The following MAN1C1 variants were observed in gnomAD, a reference collection of about 807,000 sequenced individuals.
MAN1C1 encodes the protein mannosyl-oligosaccharide 1,2-alpha-mannosidase IC.
In MAN1C1, 49 loss-of-function variants were observed where a neutral mutation model predicts 71.5. The ratio of observed to expected loss-of-function variants is 0.69; its 90% CI spans 0.54 to 0.87. The LOEUF (loss-of-function observed/expected upper bound fraction) is 0.87, where lower values mean the gene tolerates loss of function less well. Among genes scored for constraint, MAN1C1 ranks in the 40% least tolerant of loss-of-function variants. MAN1C1 has a pLI of 0.00. For missense variants in MAN1C1, 743 were observed against 835.0 expected, an observed-to-expected ratio of 0.89 and a Z score of 1.36; for synonymous variants, 352 against 343.7, an observed-to-expected ratio of 1.02 and a Z score of -0.27.
chr1:25,767,901 C>CAT (rs1439840601), intron 7 of MAN1C1, among the ~76,000 whole-genome samples: 2 of 119,356 alleles, frequency 1.7e-5, no homozygotes, highest in Non-Finnish European at 1.7e-5. Context: ...TCCCCTCATA[C>CAT]ACACACATTA....
At chr1:25,699,930 G>C (rs2046416855) in intron 2 of MAN1C1, among the ~76,000 whole-genome samples, 1 of 152,162 alleles carries the variant, frequency 6.6e-6, no homozygotes, top group African/African-American at 2.4e-5. Flanking sequence ...ACAGACAGCT[G>C]TTCTCCCAAG....
intron 8 of MAN1C1, among the ~76,000 whole-genome samples, chr1:25,774,290 C>T (rs2047591489): frequency 6.6e-6 from 1 of 152,180 alleles, no homozygotes; most frequent in African/African-American, 2.4e-5. Context: ...AGAAGAAGAA[C>T]AGGAAGAGCT....
Position 25,617,842 on chromosome 1 carries a change from G to A in MAN1C1, c.45G>A (p.Trp15Ter). ...KVPGFVPASPWGLRLPQKFLF... is the reference protein window; with the variant it reads ...KVPGFVPASP ...CCGGCTTCGTCCCGGCCTCCCCGTGGGGGCTGCGGCTGCCGCAGAAGTTCC... is the reference window on the plus strand; with the variant it reads ...CCGGCTTCGTCCCGGCCTCCCCGTGAGGGCTGCGGCTGCCGCAGAAGTTCC... The change falls in exon 1 of 12, where the codon TGG becomes TGA. Residue 15 changes from tryptophan (W) to a stop codon, truncating the protein, a stop_gained. Coordinates refer to ENST00000374332, the MANE Select transcript of MAN1C1 (RefSeq NM_020379.4). LOFTEE classifies it high-confidence loss of function. This position sits in a 1 kb window ranked among gnomAD's most constrained non-coding sequence, Gnocchi z 5.1. The A allele has an allele frequency of 6.2e-7, 1 of 1,606,094 alleles. No individual in the cohort carries two copies. Among genetic ancestry groups the A allele is most frequent in the East Asian group, 2.3e-5 (1 of 44,084 alleles).
intron 1 of MAN1C1, among the ~76,000 whole-genome samples, chr1:25,673,930 T>C (rs1470314317): frequency 6.6e-6 from 1 of 152,246 alleles, no homozygotes; most frequent in Non-Finnish European, 1.5e-5. Context: ...GCAGGTTTTG[T>C]TGAACCATTT....
At position 25,624,007 on chromosome 1, in the gene MAN1C1, A is replaced by G. The variant is rs77505866; in HGVS notation, c.540+5670A>G. ...GCACCTGCAGTCCAAAAAGACCAGG[A>G]TCATTCAAACAATAAGCCCTGGTTC... On this transcript the variant is annotated intron_variant, in intron 1 of 11. Transcript: ENST00000374332. Among the ~76,000 whole-genome samples the G allele has an allele frequency of 2.1e-3, 318 of 152,366 alleles. 6 individuals are homozygous for G. In the East Asian group the frequency reaches 0.039, roughly 19 times the overall value.
At chr1:25,763,168 T>A (rs2047382485) in intron 6 of MAN1C1, among the ~76,000 whole-genome samples, 1 of 152,080 alleles carries the variant, frequency 6.6e-6, no homozygotes, top group Non-Finnish European at 1.5e-5. Flanking sequence ...CTGAGGAGGC[T>A]GAGACGGGAG....
intron 1 of MAN1C1, among the ~76,000 whole-genome samples, chr1:25,630,960 T>TTTG (rs1206105373): frequency 6.6e-6 from 1 of 151,938 alleles, no homozygotes; most frequent in Non-Finnish European, 1.5e-5. Context: ...TGTTTGTTTG[T>TTTG]TTGTTTGTTT....
At chr1:25,773,874 T>G (rs1172351780) in intron 8 of MAN1C1, among the ~76,000 whole-genome samples, 2 of 152,154 alleles carry the variant, frequency 1.3e-5, no homozygotes, top group Non-Finnish European at 2.9e-5. Flanking sequence ...TTTGAAGAAT[T>G]TTCTGGTGGT....
chr1:25,741,737 T>C (rs774636307), intron 2 of MAN1C1, among the ~76,000 whole-genome samples: 1 of 152,002 alleles, frequency 6.6e-6, no homozygotes, highest in Non-Finnish European at 1.5e-5. Flanking sequence ...GAGGGTGAGA[T>C]TGCATGCATG....
chr1:25,716,401 C>T (rs376487444), intron 2 of MAN1C1, among the ~76,000 whole-genome samples: 2 of 152,174 alleles, frequency 1.3e-5, no homozygotes, highest in East Asian at 1.9e-4. Flanking sequence ...GGCATGATCT[C>T]GGCTCACTGC....
At chr1:25,638,965 TA>T (rs910776685) in intron 1 of MAN1C1, among the ~76,000 whole-genome samples, 4 of 152,188 alleles carry the variant, frequency 2.6e-5, no homozygotes, top group Non-Finnish European at 4.4e-5. Context: ...CCTTTTCTTT[TA>T]TAACTCCAGT....
chr1:25,668,562 T>TC (rs1553184739), intron 1 of MAN1C1, among the ~76,000 whole-genome samples: 1,889 of 144,882 alleles, frequency 0.013, 32 homozygotes, highest in African/African-American at 0.046. Context: ...TTTCTTTCTT[T>TC]TTTTTTTTTT....
intron 6 of MAN1C1, among the ~76,000 whole-genome samples, chr1:25,763,078 G>T (rs1441223565): frequency 6.6e-6 from 1 of 152,084 alleles, no homozygotes; most frequent in Non-Finnish European, 1.5e-5. Flanking sequence ...GACCAGCCTG[G>T]CCAACATGGC....
At position 25,746,588 on chromosome 1, in the gene MAN1C1, C is replaced by T. The variant is rs1349721412; in HGVS notation, c.638-80C>T. 1.8e-6 allele frequency: 2 copies of T among 1,101,016 alleles called. No homozygotes were observed. Among genetic ancestry groups the T allele is most frequent in the Non-Finnish European group, 2.7e-6 (2 of 733,242 alleles). 68.2% of individuals were successfully genotyped at this position (1,101,016 alleles called of 1,614,324 possible). On this transcript the variant is annotated intron_variant, in intron 2 of 11. Coordinates refer to ENST00000374332, the MANE Select transcript of MAN1C1 (RefSeq NM_020379.4). This position sits in a 1 kb window ranked among gnomAD's most constrained non-coding sequence, Gnocchi z 4.0. ...CAAGCCTGCGCTGGCATTGGAGGGG[C>T]CCTGAGAACGGTGGCTTGTCCAGTT...
intron 1 of MAN1C1, chr1:25,645,471 G>A (rs2045600072): frequency 6.6e-6 from 1 of 152,240 alleles, no homozygotes; most frequent in Non-Finnish European, 1.5e-5. Context: ...GCCACACACT[G>A]AAGATTCACA....
intron 2 of MAN1C1, among the ~76,000 whole-genome samples, chr1:25,731,301 C>T (rs1385827600): frequency 6.6e-6 from 1 of 151,932 alleles, no homozygotes; most frequent in Non-Finnish European, 1.5e-5. Flanking sequence ...CAGAGTGAGA[C>T]CCTGACTCAA....
rs74585112 is a variant in MAN1C1 at position 25,782,365 on chromosome 1, G to A, written c.1651-220G>A. 0.034 allele frequency among the ~76,000 whole-genome samples: 5,156 copies of A among 152,220 alleles called. 314 individuals carry two copies. The highest frequency in any genetic ancestry group is 0.12 in the African/African-American group (4,874 of 41,520). On this transcript the variant is annotated intron_variant, in intron 10 of 11. Coordinates refer to ENST00000374332, the MANE Select transcript of MAN1C1 (RefSeq NM_020379.4). This position sits in a 1 kb window ranked among gnomAD's most constrained non-coding sequence, Gnocchi z 4.4. ...ATCGGGCCAGAGCTCTCAGAGGTGT[G>A]GGTGGAAGGAGTGTGGCCCCTCCAG...
chr1:25,728,317 C>T (rs1318722746), intron 2 of MAN1C1, among the ~76,000 whole-genome samples: 1 of 152,160 alleles, frequency 6.6e-6, no homozygotes, highest in South Asian at 2.1e-4. Context: ...AGCCAGTAAC[C>T]CCATGACAGA....
At position 25,668,357 on chromosome 1, in the gene MAN1C1, T is replaced by A. The variant is rs1442642652; in HGVS notation, c.541-18083T>A. On this transcript the variant is annotated intron_variant, in intron 1 of 11. Coordinates refer to ENST00000374332, the MANE Select transcript of MAN1C1 (RefSeq NM_020379.4). ...TGCTGGCTGCCTCCCCACACTAGGA[T>A]GTAGAGGCCATGAAGGCAGCCGCCA... Among the ~76,000 whole-genome samples, 3 of 151,974 alleles carry A rather than the reference T, an allele frequency of 2.0e-5. No individual in the cohort carries two copies. The South Asian group carries it at 6.2e-4, about 32-fold the overall frequency.
Sources: gnomAD v4.1 joint callset for allele counts (sites outside exome capture counted in the v4.1 genomes callset) on GRCh38, gnomAD v4.1.1 for gene constraint, Gnocchi (gnomAD v3.1) non-coding constraint, MANE v1.5 for transcripts, NCBI Gene and HGNC (gene_info 2026-07-23, HGNC 2026-07-21) for gene names.